LSG1: variants seen among roughly 807,000 people sequenced by gnomAD.
LSG1 encodes large subunit GTPase 1 homolog.
In LSG1, 55 loss-of-function variants were observed where a neutral mutation model predicts 82.6. The observed-to-expected ratio is 0.67, with a 90% confidence interval of 0.54 to 0.83. The LOEUF is 0.83. LSG1 is among the 40% of genes least tolerant of loss of function. LSG1 has a pLI of 0.00. For missense variants in LSG1, 809 were observed against 807.9 expected (o/e 1.00, Z -0.02); for synonymous variants, 272 against 282.5 (o/e 0.96, Z 0.37).
intron 6 of LSG1, among the ~76,000 whole-genome samples, 159 bp from the exon 7 acceptor site, chr3:194,659,292 A>G (rs1214212968): frequency 6.6e-6 from 1 of 152,228 alleles, no homozygotes; most frequent in Non-Finnish European, 1.5e-5. Flanking sequence ...TAATCCTTTC[A>G]GTAAGCTTTG....
Position 194,653,083 on chromosome 3 carries a change from G to A in LSG1, c.819C>T (p.Phe273=), listed in dbSNP as rs372566517. The part of the protein sequence containing the change: ...SNTTKFGHSS[F]DQAEISHSES... ...CACTGTGGGAAATTTCAGCCTGGTC[G>A]AAACTGGAATGTCCAAACTTGGTTG... Residue 273 remains phenylalanine, a synonymous_variant, in exon 8 of 14, where the codon TTC becomes TTT. Coordinates refer to ENST00000265245, the MANE Select transcript of LSG1 (RefSeq NM_018385.3). The A allele has an allele frequency of 6.8e-6, 11 of 1,614,084 alleles. No individual in the cohort carries two copies. The highest frequency in any genetic ancestry group is 2.2e-5 in the East Asian group (1 of 44,902).
In LSG1 at chr3:194,665,431, T is replaced by C. The variant is rs1376309883; in HGVS notation, c.521+126A>G. 8.7e-6 allele frequency: 5 copies of C among 576,942 alleles called. No homozygotes were observed. The East Asian group carries it at 1.1e-4, about 13-fold the overall frequency. 35.7% of individuals were successfully genotyped at this position (576,942 alleles called of 1,614,324 possible). ...ACGGTAGTATCATGCTGTGTTTTTA[T>C]AATTCTCAGTAACCCTCTGCATAGC... is the stretch of plus-strand genomic sequence containing the variant. On this transcript the variant is annotated intron_variant, in intron 5 of 13. Transcript: ENST00000265245.
In LSG1 at chr3:194,646,228, A is replaced by G; in HGVS notation, c.1559T>C (p.Met520Thr). The change falls in exon 12 of 14, where the codon ATG (methionine) becomes ACG (threonine). Residue 520 changes from methionine (M) to threonine (T), a missense_variant. Physicochemically the swap from Met to Thr is moderately conservative, Grantham distance 81. Coordinates refer to ENST00000265245, the MANE Select transcript of LSG1 (RefSeq NM_018385.3). ...LTAYGYMRGF[M>T]TAHGQPDQPR... is the part of the protein sequence containing the mutation. ...CTGGTCTGGCTGTCCATGCGCTGTCATGAATCCTCGCATGTCTGTGGAGAG... is the reference window on the plus strand; with the variant it reads ...CTGGTCTGGCTGTCCATGCGCTGTCGTGAATCCTCGCATGTCTGTGGAGAG... 1 of 1,614,036 alleles carries G rather than the reference A, an allele frequency of 6.2e-7. No individual in the cohort carries two copies. Among genetic ancestry groups the G allele is most frequent in the Non-Finnish European group, 8.5e-7 (1 of 1,179,976 alleles).
chr3:194,652,677 G>T, intron 8 of LSG1, 52 bp downstream of exon 8: 1 of 1,555,178 alleles, frequency 6.4e-7, no homozygotes, highest in Non-Finnish European at 8.7e-7. Flanking sequence ...ACTGAAAAAT[G>T]GGGATTAAAG....
In LSG1 at chr3:194,660,146, C is replaced by T; in HGVS notation, c.522-13G>A. On this transcript the variant is annotated splice_polypyrimidine_tract_variant and intron_variant, in intron 5 of 13. Transcript: ENST00000265245. ...GACCACAATATCACTGAAAAACAAA[C>T]ACGAGATAGACCAATCACCGTGAAG... The T allele has an allele frequency of 6.2e-7, 1 of 1,610,562 alleles. No homozygotes were observed. Among genetic ancestry groups the T allele is most frequent in the Admixed American group, 1.7e-5 (1 of 60,002 alleles).
At chr3:194,669,977 G>T in intron 2 of LSG1, 32 bp downstream of exon 2, 1 of 1,594,982 alleles carries the variant, frequency 6.3e-7, no homozygotes, top group South Asian at 1.1e-5. Flanking sequence ...AAATGTGACA[G>T]TCTCACCTGC....
chr3:194,642,008 G>A lies in LSG1; in HGVS notation c.*60C>T. The A allele has an allele frequency of 1.3e-6, 2 of 1,563,418 alleles. No homozygotes were observed. Among genetic ancestry groups the A allele is most frequent in the South Asian group, 2.4e-5 (2 of 84,440 alleles). The stretch of plus-strand genomic sequence containing the variant: ...TCTTGGGACGGTTCCACAGGCAACA[G>A]GCAGCTTCTGCTCTTTTCCATCTGC... On this transcript the variant is annotated 3_prime_UTR_variant, in exon 14 of 14. Transcript: ENST00000265245.
At chr3:194,661,748 T>A (rs2108620468) in intron 5 of LSG1, among the ~76,000 whole-genome samples, 1 of 152,342 alleles carries the variant, frequency 6.6e-6, no homozygotes, top group South Asian at 2.1e-4. Context: ...AATAAATATT[T>A]CTGTGTAATT....
rs570168680 is a variant in LSG1, at chr3:194,661,274, T to C, written c.522-1141A>G. Among the ~76,000 whole-genome samples, 8 of 152,332 alleles carry C rather than the reference T, an allele frequency of 5.3e-5. 1 individual carries two copies. In the South Asian group the frequency reaches 1.0e-3, roughly 20 times the overall value. On this transcript the variant is annotated intron_variant, in intron 5 of 13. Coordinates refer to ENST00000265245, the MANE Select transcript of LSG1 (RefSeq NM_018385.3). Reference sequence around the variant, plus strand: ...AGTATTTCCTTCTTTAAGGTAATAATGCACTTTCAAACTGGATATTTAATA... The same window carrying C: ...AGTATTTCCTTCTTTAAGGTAATAACGCACTTTCAAACTGGATATTTAATA...
At chr3:194,661,009 C>A (rs955190349) in intron 5 of LSG1, 52 of 413,168 alleles carry the variant, frequency 1.3e-4, no homozygotes, top group Middle Eastern at 7.2e-4. Flanking sequence ...AGATGCATGA[C>A]TACCTCACGG....
rs371818537 is a variant in LSG1 at position 194,666,591 on chromosome 3, G to C, written c.227-19C>G. ...AGTTTCTCTGTTCAAATAAAGAAAAGTACTATTACTTAAGAGGCAGTATAG... is the reference window on the plus strand; with the variant it reads ...AGTTTCTCTGTTCAAATAAAGAAAACTACTATTACTTAAGAGGCAGTATAG... On this transcript the variant is annotated intron_variant, in intron 2 of 13. Coordinates refer to ENST00000265245, the MANE Select transcript of LSG1 (RefSeq NM_018385.3). The C allele has an allele frequency of 6.2e-7, 1 of 1,602,494 alleles. No individual in the cohort carries two copies. Among genetic ancestry groups the C allele is most frequent in the Non-Finnish European group, 8.5e-7 (1 of 1,172,666 alleles).
intron 2 of LSG1, among the ~76,000 whole-genome samples, chr3:194,667,692 G>C (rs1719056868): frequency 1.3e-5 from 2 of 151,686 alleles, no homozygotes. Context: ...GGGAGGGCAA[G>C]GTGGGCGGAT....
At chr3:194,664,809 A>T (rs1190571500) in intron 5 of LSG1, among the ~76,000 whole-genome samples, 1 of 151,950 alleles carries the variant, frequency 6.6e-6, no homozygotes, top group Non-Finnish European at 1.5e-5. Flanking sequence ...AATCTCAGCC[A>T]CTTGGGAGGC....
At chr3:194,644,842 C>A in intron 12 of LSG1, 96 bp from the exon 13 acceptor site, 1 of 1,005,882 alleles carries the variant, frequency 9.9e-7, no homozygotes, top group Non-Finnish European at 1.4e-6. Context: ...ATGGAGCTTT[C>A]TGCCTTCTGG....
chr3:194,665,742 G>C, intron 4 of LSG1, 99 bp from the exon 5 acceptor site: 1 of 638,616 alleles, frequency 1.6e-6, no homozygotes, highest in Non-Finnish European at 2.8e-6. Context: ...ATAAGTACTG[G>C]GCACAAATAT....
intron 12 of LSG1, among the ~76,000 whole-genome samples, chr3:194,645,561 C>CACAGACAG: frequency 1.6e-5 from 1 of 61,476 alleles, no homozygotes; most frequent in African/African-American, 5.9e-5. Context: ...CACACACACA[C>CACAGACAG]ACACACACAG....
At chr3:194,664,617 A>T (rs1718995027) in intron 5 of LSG1, among the ~76,000 whole-genome samples, 1 of 150,532 alleles carries the variant, frequency 6.6e-6, no homozygotes, top group Admixed American at 6.6e-5. Flanking sequence ...GAGCCCAGTT[A>T]AAAAAAATAA....
Position 194,672,061 on chromosome 3 carries a change from T to C in LSG1, c.99+3A>G, listed in dbSNP as rs769080159. The C allele has an allele frequency of 1.8e-5, 29 of 1,611,528 alleles. No homozygotes were observed. Among genetic ancestry groups the C allele is most frequent in the East Asian group, 1.8e-4 (8 of 44,894 alleles). ...ATAAGAAAGATGACATGGTCTGTCT[T>C]ACCCAGGAGTCAGTGTGACGATGGC... On this transcript the variant is annotated splice_donor_region_variant and intron_variant, in intron 1 of 13. Transcript: ENST00000265245.
chr3:194,644,401 A>G (rs1718472943), intron 13 of LSG1, among the ~76,000 whole-genome samples, 172 bp downstream of exon 13: 1 of 147,760 alleles, frequency 6.8e-6, no homozygotes, highest in Non-Finnish European at 1.5e-5. Flanking sequence ...TAAATAAATA[A>G]ATAAATAAAT....
Sources: gnomAD v4.1 joint callset for allele counts (sites outside exome capture counted in the v4.1 genomes callset) on GRCh38, gnomAD v4.1.1 for gene constraint, MANE v1.5 for transcripts, NCBI Gene and HGNC (gene_info 2026-07-23, HGNC 2026-07-21) for gene names.